LRRC7: variants seen among roughly 807,000 people sequenced by gnomAD.
LRRC7 encodes the protein leucine rich repeat containing 7.
A neutral mutation model predicts 175.7 loss-of-function variants in LRRC7; 23 were observed. That is an observed-to-expected ratio of 0.13 (90% CI 0.09 to 0.19). The LOEUF (loss-of-function observed/expected upper bound fraction) is 0.19. Ranked by LOEUF, LRRC7 falls within the 10% of genes least tolerant of loss-of-function variation. The probability of loss-of-function intolerance (pLI) is 1.00; values close to 1 mark genes in which losing one functional copy is unlikely to be tolerated. For synonymous variants in LRRC7, 685 were observed against 680.9 expected, an observed-to-expected ratio of 1.01 and a Z score of -0.09; for missense variants, 1,354 against 1,904.7, an observed-to-expected ratio of 0.71 and a Z score of 5.38.
chr1:69,690,754 C>T (rs150080219), intron 2 of LRRC7, among the ~76,000 whole-genome samples: 28 of 152,176 alleles, frequency 1.8e-4, no homozygotes, highest in East Asian at 9.7e-4. Flanking sequence ...GCACCAAGTG[C>T]GGAGATGAAG....
rs754054949 is a variant in LRRC7, at chr1:69,792,167, T to G, written c.421+7T>G. The G allele has an allele frequency of 2.9e-5, 43 of 1,479,148 alleles. No individual in the cohort carries two copies. Among genetic ancestry groups the G allele is most frequent in the Non-Finnish European group, 3.6e-5 (38 of 1,067,230 alleles). The allele number at this position is 1,479,148 out of a possible 1,614,324, so 91.6% of individuals were successfully genotyped here. On this transcript the variant is annotated splice_region_variant and intron_variant, in intron 4 of 26. Transcript: ENST00000651989. ...CTCGACATCAGTAAAAATGGTAAGA[T>G]TTTTCTCTCATCATAAAATACCTAG...
intron 7 of LRRC7, among the ~76,000 whole-genome samples, chr1:69,908,324 T>G (rs1646395748): frequency 6.6e-6 from 1 of 152,174 alleles, no homozygotes; most frequent in Admixed American, 6.5e-5. Context: ...GTGTTTGCTC[T>G]TGCTTTTCTA....
intron 10 of LRRC7, among the ~76,000 whole-genome samples, chr1:69,987,513 G>A (rs996818311): frequency 3.3e-5 from 5 of 152,090 alleles, no homozygotes; most frequent in East Asian, 3.9e-4. Context: ...CTTATCCTTC[G>A]TGGATGCTGC....
At chr1:70,055,359 G>A (rs1661065932) in intron 23 of LRRC7, among the ~76,000 whole-genome samples, 1 of 152,138 alleles carries the variant, frequency 6.6e-6, no homozygotes, top group Non-Finnish European at 1.5e-5. Flanking sequence ...TTTATTTAAA[G>A]AGCACTCTGA....
At chr1:70,010,752 A>G (rs561036257) in intron 11 of LRRC7, among the ~76,000 whole-genome samples, 2 of 152,214 alleles carry the variant, frequency 1.3e-5, no homozygotes, top group Non-Finnish European at 2.9e-5. Flanking sequence ...ACTGCAATGT[A>G]TCTGGTGCTT....
At chr1:69,577,347 G>C (rs1430142304) in intron 1 of LRRC7, among the ~76,000 whole-genome samples, 1 of 152,090 alleles carries the variant, frequency 6.6e-6, no homozygotes, top group Admixed American at 6.5e-5. Flanking sequence ...AAATCTGATG[G>C]TAGTTTCTTT....
rs757278900 is a variant in LRRC7, at chr1:70,036,546, C to T, written c.2210C>T (p.Ser737Phe). ...TCGCCTTCCCAGGCTTCCTCAGGAT[C>T]CTCTAATACCCGGGTTAAAGTGGGG... ...DYSPSQASSG[S>F]SNTRVKVGSL... is the part of the protein sequence containing the mutation. Residue 737 changes from serine (S) to phenylalanine (F), a missense_variant, in exon 20 of 27, where the codon TCC (serine) becomes TTC (phenylalanine). Coordinates refer to ENST00000651989, the MANE Select transcript of LRRC7 (RefSeq NM_001370785.2). 1 of 1,614,102 alleles carries T rather than the reference C, an allele frequency of 6.2e-7. No individual in the cohort carries two copies. The highest frequency in any genetic ancestry group is 8.5e-7 in the Non-Finnish European group (1 of 1,179,958).
intron 1 of LRRC7, among the ~76,000 whole-genome samples, chr1:69,605,814 A>G (rs1247735133): frequency 6.6e-6 from 1 of 152,028 alleles, no homozygotes; most frequent in African/African-American, 2.4e-5. Flanking sequence ...GTTTTTATTT[A>G]TTTATTTATT....
intron 2 of LRRC7, among the ~76,000 whole-genome samples, chr1:69,748,286 T>C (rs1669469493): frequency 6.6e-6 from 1 of 152,160 alleles, no homozygotes; most frequent in South Asian, 2.1e-4. Flanking sequence ...CATTTTAAAA[T>C]GCTTTCTCTA....
At position 69,731,179 on chromosome 1, in the gene LRRC7, G is replaced by T. The variant is rs565484195; in HGVS notation, c.101-29012G>T. On this transcript the variant is annotated intron_variant, in intron 2 of 26. Transcript: ENST00000651989. ...TAGCCGGATGTGGTGGCGGGCGTCT[G>T]TAGTCCCAGCTACTCGGGAGGCTGA... 8.3e-4 allele frequency among the ~76,000 whole-genome samples: 126 copies of T among 152,186 alleles called. 1 individual carries two copies. The highest frequency in any genetic ancestry group is 2.9e-3 in the African/African-American group (122 of 41,524).
intron 8 of LRRC7, among the ~76,000 whole-genome samples, chr1:69,939,925 T>C (rs1648537779): frequency 6.6e-6 from 1 of 152,160 alleles, no homozygotes; most frequent in African/African-American, 2.4e-5. Flanking sequence ...GTTAGCTGTC[T>C]TTTGAAGCAT....
chr1:69,613,379 C>A (rs1297252003), intron 1 of LRRC7, among the ~76,000 whole-genome samples: 1 of 152,030 alleles, frequency 6.6e-6, no homozygotes, highest in Non-Finnish European at 1.5e-5. Flanking sequence ...CCAAAGGCCT[C>A]ACCTCTAGAT....
chr1:69,777,180 G>C (rs2101005220), intron 3 of LRRC7, among the ~76,000 whole-genome samples: 1 of 152,292 alleles, frequency 6.6e-6, no homozygotes, highest in South Asian at 2.1e-4. Flanking sequence ...TGGGAGGAAT[G>C]GGGCAGATCC....
intron 7 of LRRC7, among the ~76,000 whole-genome samples, chr1:69,923,730 A>C (rs1224900569): frequency 2.0e-5 from 3 of 151,644 alleles, no homozygotes; most frequent in Non-Finnish European, 3.0e-5. Context: ...AGGTTGCGAA[A>C]ATTTTCTCCC....
intron 17 of LRRC7, among the ~76,000 whole-genome samples, chr1:70,023,852 A>G (rs1392758759): frequency 1.3e-5 from 2 of 152,146 alleles, no homozygotes; most frequent in African/African-American, 4.8e-5. Context: ...AAAGATAGAC[A>G]TCTGTTGAAA....
In LRRC7 at chr1:70,016,609, A is replaced by C. The variant is rs549151003; in HGVS notation, c.1320+75A>C. 4.4e-6 allele frequency: 5 copies of C among 1,130,702 alleles called. No homozygotes were observed. In the East Asian group the frequency reaches 1.3e-4, roughly 30 times the overall value. The allele number at this position is 1,130,702 out of a possible 1,614,324, so 70.0% of individuals were successfully genotyped here. On this transcript the variant is annotated intron_variant, in intron 14 of 26. Transcript: ENST00000651989. ...AAGTTTGAATTACTAATTTATTCCCAATAGATACCTTTGACAGCAGCTACA... is the reference window on the plus strand; with the variant it reads ...AAGTTTGAATTACTAATTTATTCCCCATAGATACCTTTGACAGCAGCTACA...
chr1:69,727,173 T>C (rs1013175764), intron 2 of LRRC7, among the ~76,000 whole-genome samples: 1 of 152,174 alleles, frequency 6.6e-6, no homozygotes, highest in Non-Finnish European at 1.5e-5. Flanking sequence ...GGTAATTCCC[T>C]TCAGTCAAGG....
intron 1 of LRRC7, among the ~76,000 whole-genome samples, chr1:69,592,120 G>C (rs1040385386): frequency 1.3e-5 from 2 of 151,828 alleles, no homozygotes; most frequent in African/African-American, 4.8e-5. Flanking sequence ...ACAGAACTCT[G>C]CCATAAATTT....
chr1:69,755,835 C>A (rs1670361815), intron 2 of LRRC7, among the ~76,000 whole-genome samples: 1 of 151,894 alleles, frequency 6.6e-6, no homozygotes, highest in Admixed American at 6.6e-5. Flanking sequence ...TGGCTTGCTG[C>A]CAGATTACCC....
Sources: allele counts gnomAD v4.1 joint callset (sites outside exome capture counted in the v4.1 genomes callset), GRCh38; gene constraint gnomAD v4.1.1; transcripts MANE v1.5; gene names NCBI Gene and HGNC (gene_info 2026-07-23, HGNC 2026-07-21).